The following RPS6KL1 variants were observed in gnomAD, a reference collection of about 807,000 sequenced individuals.
RPS6KL1 encodes ribosomal protein S6 kinase-like 1.
Under a neutral mutation model 57.0 loss-of-function variants are expected in RPS6KL1, and 41 were observed. The observed-to-expected ratio is 0.72, with a 90% CI of 0.56 to 0.93. RPS6KL1 has a LOEUF of 0.93. RPS6KL1 is among the 40% of genes least tolerant of loss of function. RPS6KL1 has a pLI of 0.00. For synonymous variants in RPS6KL1, 287 were observed against 309.7 expected (o/e 0.93, Z 0.77); for missense variants, 697 against 727.7 (o/e 0.96, Z 0.49).
intron 5 of RPS6KL1, among the ~76,000 whole-genome samples, chr14:74,916,810 C>T (rs1886925220): frequency 6.6e-6 from 1 of 152,248 alleles, no homozygotes; most frequent in Non-Finnish European, 1.5e-5. Context: ...TCACAGTGTA[C>T]ATCTGCACCT....
At chr14:74,918,406 G>A (rs1453937020) in intron 5 of RPS6KL1, 107 bp downstream of exon 5, 1 of 775,226 alleles carries the variant, frequency 1.3e-6, no homozygotes, top group Admixed American at 2.8e-5. Flanking sequence ...GAGGAGTGGG[G>A]GCCACTGCTA....
intron 10 of RPS6KL1, 31 bp from the exon 11 acceptor site, chr14:74,907,561 A>C (rs542726662): frequency 1.3e-6 from 2 of 1,545,484 alleles, no homozygotes; most frequent in South Asian, 2.4e-5. Flanking sequence ...GCCTCTGAGG[A>C]GGCAACCCCA....
intron 5 of RPS6KL1, among the ~76,000 whole-genome samples, chr14:74,916,900 G>C (rs957147): frequency 3.3e-5 from 5 of 152,178 alleles, no homozygotes; most frequent in Non-Finnish European, 7.4e-5. Context: ...ACTCAGCTCA[G>C]AACCCCTCTC....
chr14:74,918,626 C>A, intron 4 of RPS6KL1, 21 bp from the exon 5 acceptor site: 3 of 1,520,172 alleles, frequency 2.0e-6, no homozygotes, highest in Non-Finnish European at 2.6e-6. Flanking sequence ...GGGAGACAGG[C>A]CACACACAGC....
At chr14:74,921,238 T>TCCCCCCCCCCCCCCCCCCC in intron 3 of RPS6KL1, 39 bp downstream of exon 3, 3 of 840,160 alleles carry the variant, frequency 3.6e-6, no homozygotes, top group Admixed American at 1.8e-5. Flanking sequence ...CACTGGCCCT[T>TCCCCCCCCCCCCCCCCCCC]CCCCACCCAC....
chr14:74,921,238 T>TTG, intron 3 of RPS6KL1, 39 bp downstream of exon 3: 88 of 840,040 alleles, frequency 1.0e-4, no homozygotes, highest in Non-Finnish European at 1.5e-4. Context: ...CACTGGCCCT[T>TTG]CCCCACCCAC....
At chr14:74,921,211 T>G (rs1887771845) in intron 3 of RPS6KL1, 66 bp downstream of exon 3, 2 of 1,399,756 alleles carry the variant, frequency 1.4e-6, no homozygotes, top group African/African-American at 2.8e-5. Context: ...GACAGATGGG[T>G]GACAGGAAGA....
chr14:74,907,163 G>C (rs757381215), intron 11 of RPS6KL1, 39 bp from the exon 12 acceptor site: 1 of 1,539,954 alleles, frequency 6.5e-7, no homozygotes, highest in Non-Finnish European at 8.9e-7. Flanking sequence ...CACTCCAGCT[G>C]TGGAGGCATG....
chr14:74,919,953 C>A lies in RPS6KL1; in HGVS notation c.282G>T (p.Glu94Asp). The A allele has an allele frequency of 6.2e-7, 1 of 1,614,204 alleles. No homozygotes were observed. The highest frequency in any genetic ancestry group is 8.5e-7 in the Non-Finnish European group (1 of 1,180,036). Residue 94 changes from glutamate (E) to aspartate (D), a missense_variant, in exon 4 of 12, where the codon GAG (glutamate) becomes GAT (aspartate). Physicochemically the swap from Glu to Asp is conservative, Grantham distance 45 (BLOSUM62 2). Coordinates refer to ENST00000557413, the MANE Select transcript of RPS6KL1 (RefSeq NM_031464.5). ...TTTTCAGCTTCACAGCCTCACGTCGCTCCTTGTTGGGGTCAACTGTGGGAG... is the reference window on the plus strand; with the variant it reads ...TTTTCAGCTTCACAGCCTCACGTCGATCCTTGTTGGGGTCAACTGTGGGAG... ...LRGIHVDPNK[E>D]RREAVKLKIT...
chr14:74,909,108 G>T lies in RPS6KL1; in HGVS notation c.1353C>A (p.Ser451Arg), dbSNP rs202044227. 4 of 1,614,086 alleles carry T rather than the reference G, an allele frequency of 2.5e-6. No individual in the cohort carries two copies. In the South Asian group the frequency reaches 4.4e-5, roughly 18 times the overall value. ...CCGEAVDNLY[S>R]APEVGGISEL... ...GGCCTCCCCCCTTCTTGCCTGGGGC[G>T]CTGTAGAGATTGTCCACGGCCTCCC... The change falls in exon 9 of 12, where the codon AGC becomes AGA. Residue 451 changes from serine (S) to arginine (R), a missense_variant. Ser to Arg is a moderately radical substitution (Grantham distance 110). Coordinates refer to ENST00000557413, the MANE Select transcript of RPS6KL1 (RefSeq NM_031464.5).
rs1237612671 is a variant in RPS6KL1 at position 74,909,174 on chromosome 14, T to G, written c.1287A>C (p.Thr429=). 2 of 1,613,974 alleles carry G rather than the reference T, an allele frequency of 1.2e-6. No individual in the cohort carries two copies. Among genetic ancestry groups the G allele is most frequent in the Admixed American group, 3.3e-5 (2 of 60,002 alleles). Residue 429 remains threonine, a synonymous_variant, in exon 9 of 12, where the codon ACA becomes ACC. Transcript: ENST00000557413. ...LLDQAGHIRL[T]YFGQWSEVEP... Reference sequence around the variant, plus strand: ...CCACCTCTGACCACTGGCCAAAATATGTGAGCCGGATGTGACCTCCAGTGT... The same window carrying G: ...CCACCTCTGACCACTGGCCAAAATAGGTGAGCCGGATGTGACCTCCAGTGT...
chr14:74,909,481 C>A (rs932182185), intron 8 of RPS6KL1, 62 bp downstream of exon 8: 30 of 1,523,620 alleles, frequency 2.0e-5, no homozygotes, highest in Non-Finnish European at 2.5e-5. Context: ...CTTTGGGGAT[C>A]TCTCGTCCTC....
At chr14:74,921,238 T>TTGCCCCCCC in intron 3 of RPS6KL1, 39 bp downstream of exon 3, 83 of 840,078 alleles carry the variant, frequency 9.9e-5, no homozygotes, top group Non-Finnish European at 1.4e-4. Context: ...CACTGGCCCT[T>TTGCCCCCCC]CCCCACCCAC....
intron 5 of RPS6KL1, among the ~76,000 whole-genome samples, chr14:74,912,267 G>A (rs950603376): frequency 2.0e-5 from 3 of 152,200 alleles, no homozygotes; most frequent in South Asian, 4.1e-4. Context: ...CACTGTGTGC[G>A]TGGTGGGCAT....
intron 6 of RPS6KL1, 190 bp from the exon 7 acceptor site, chr14:74,911,570 G>T: frequency 1.4e-6 from 1 of 702,730 alleles, no homozygotes; most frequent in Non-Finnish European, 2.4e-6. Context: ...CAAAGAGGGG[G>T]CAGTGTGTGT....
Position 74,909,680 on chromosome 14 carries a change from C to G in RPS6KL1, c.1133G>C (p.Gly378Ala), listed in dbSNP as rs1333513877. ...LSADGAGRGC[G>A]RATWSVREEQ... ...CTCTCTCACACTCCAGGTGGCCCTG[C>G]CACAGCCCCGGCCGGCCCCATCTGC... The change falls in exon 8 of 12, where the codon GGC becomes GCC. Residue 378 changes from glycine to alanine, a missense_variant. Transcript: ENST00000557413. The G allele has an allele frequency of 1.2e-6, 2 of 1,609,866 alleles. No individual in the cohort carries two copies. The highest frequency in any genetic ancestry group is 2.2e-5 in the East Asian group (1 of 44,888).
rs772553902 is a variant in RPS6KL1 at position 74,909,732 on chromosome 14, G to A, written c.1081C>T (p.Arg361Ter). Reference sequence around the variant, plus strand: ...GACAGGCAGCTCTGATCCATGCCTCGGCCACAGCCCCCTAGCACCGGGCCG... The same window carrying A: ...GACAGGCAGCTCTGATCCATGCCTCAGCCACAGCCCCCTAGCACCGGGCCG... ...GAGPVLGGCG[R>*]GMDQSCLSAD... The change falls in exon 8 of 12, where the codon CGA (arginine) becomes TGA (stop). Residue 361 changes from arginine (R) to a stop codon, truncating the protein, a stop_gained. Coordinates refer to ENST00000557413, the MANE Select transcript of RPS6KL1 (RefSeq NM_031464.5). LOFTEE classifies it high-confidence loss of function. The A allele has an allele frequency of 6.2e-7, 1 of 1,607,950 alleles. No homozygotes were observed.
chr14:74,907,442 A>G lies in RPS6KL1; in HGVS notation c.1532T>C (p.Leu511Pro), dbSNP rs894653926. Residue 511 changes from leucine to proline, a missense_variant, in exon 11 of 12, where the codon CTG becomes CCG. Physicochemically the swap from Leu to Pro is moderately conservative, Grantham distance 98. Coordinates refer to ENST00000557413, the MANE Select transcript of RPS6KL1 (RefSeq NM_031464.5). ...EWLSRPAASL[L>P]TELLQFEPTR... ...GGCCGGGCTACACCTCACCTCAGTC[A>G]GCAGAGAGGCCGCTGGGCGACTGAG... 2.5e-6 allele frequency: 4 copies of G among 1,578,138 alleles called. No individual in the cohort carries two copies. Among genetic ancestry groups the G allele is most frequent in the Non-Finnish European group, 3.4e-6 (4 of 1,162,296 alleles).
At chr14:74,915,937 C>T (rs531771094) in intron 5 of RPS6KL1, among the ~76,000 whole-genome samples, 3 of 152,208 alleles carry the variant, frequency 2.0e-5, no homozygotes, top group Non-Finnish European at 4.4e-5. Context: ...AGCAAATACC[C>T]GGTGATGTCT....
Sources: gnomAD v4.1 joint callset for allele counts (sites outside exome capture counted in the v4.1 genomes callset) on GRCh38, gnomAD v4.1.1 for gene constraint, MANE v1.5 for transcripts, NCBI Gene and HGNC (gene_info 2026-07-23, HGNC 2026-07-21) for gene names.